Variants in RAP1GDS1 observed in about 807,000 individuals in gnomAD.
The protein encoded by RAP1GDS1 is RAP1, GTP-GDP dissociation stimulator 1.
In RAP1GDS1, 35 loss-of-function variants were observed where a neutral mutation model predicts 71.1. That is an observed-to-expected ratio of 0.49 (90% CI 0.38 to 0.65). The LOEUF (loss-of-function observed/expected upper bound fraction) is 0.65. Ranked by LOEUF, RAP1GDS1 falls within the 30% of genes least tolerant of loss-of-function variation. The probability of loss-of-function intolerance (pLI) is 0.00; values close to 1 mark genes in which losing one functional copy is unlikely to be tolerated. For synonymous variants in RAP1GDS1, 229 were observed against 243.1 expected, an observed-to-expected ratio of 0.94 and a Z score of 0.54; for missense variants, 663 against 706.1, an observed-to-expected ratio of 0.94 and a Z score of 0.69.
chr4:98,369,162 C>T (rs558799424), intron 4 of RAP1GDS1, among the ~76,000 whole-genome samples: 23 of 152,240 alleles, frequency 1.5e-4, no homozygotes, highest in Non-Finnish European at 2.4e-4. Context: ...AAAAACAATC[C>T]GCCATGATTC....
chr4:98,331,972 AC>A (rs1222213839), intron 2 of RAP1GDS1, among the ~76,000 whole-genome samples: 1 of 152,202 alleles, frequency 6.6e-6, no homozygotes, highest in Non-Finnish European at 1.5e-5. Context: ...AAAAATCTTA[AC>A]CCTTACAAAG....
chr4:98,397,556 A>AGAATATTTTGGGACCTGG (rs1253834130), intron 6 of RAP1GDS1, among the ~76,000 whole-genome samples: 1 of 152,188 alleles, frequency 6.6e-6, no homozygotes, highest in Admixed American at 6.5e-5. Context: ...GGATTGTACG[A>AGAATATTTTGGGACCTGG]GAATATTTTG....
chr4:98,356,062 C>T (rs1737925406), intron 4 of RAP1GDS1, among the ~76,000 whole-genome samples: 1 of 152,072 alleles, frequency 6.6e-6, no homozygotes, highest in African/African-American at 2.4e-5. Context: ...AATGCTTCTG[C>T]CCTTTAACTT....
At chr4:98,436,149 G>T (rs1375853373) in intron 13 of RAP1GDS1, among the ~76,000 whole-genome samples, 4 of 151,938 alleles carry the variant, frequency 2.6e-5, no homozygotes, top group Non-Finnish European at 5.9e-5. Context: ...TTGTCCCATG[G>T]ATGTCTAATT....
At chr4:98,374,290 A>C (rs764871555) in intron 4 of RAP1GDS1, among the ~76,000 whole-genome samples, 7 of 152,172 alleles carry the variant, frequency 4.6e-5, no homozygotes, top group Non-Finnish European at 1.0e-4. Flanking sequence ...TGAGTCTGCT[A>C]TTCAGCCTGT....
intron 8 of RAP1GDS1, 35 bp downstream of exon 8, chr4:98,416,923 T>C (rs369835976): frequency 3.5e-5 from 56 of 1,597,016 alleles, no homozygotes; most frequent in Non-Finnish European, 1.3e-5. Context: ...AAGAATGTGG[T>C]TGTCAGATGT....
chr4:98,264,269 G>A (rs1170668765), intron 1 of RAP1GDS1, among the ~76,000 whole-genome samples: 5 of 152,090 alleles, frequency 3.3e-5, no homozygotes, highest in South Asian at 2.1e-4. Flanking sequence ...GGTGGCGGGC[G>A]CCTGTAATCC....
chr4:98,354,845 A>G (rs1158234358), intron 4 of RAP1GDS1, among the ~76,000 whole-genome samples: 1 of 152,184 alleles, frequency 6.6e-6, no homozygotes, highest in East Asian at 1.9e-4. Context: ...GTTCAGGAAA[A>G]TGAAGTTTGA....
At position 98,305,029 on chromosome 4, in the gene RAP1GDS1, G is replaced by A. The variant is rs558367784; in HGVS notation, c.112+11514G>A. On this transcript the variant is annotated intron_variant, in intron 2 of 14. Coordinates refer to ENST00000408927, the MANE Select transcript of RAP1GDS1 (RefSeq NM_001100427.2). Reference sequence around the variant, plus strand: ...TCTGTTCTGTCTTATTGGTCTGTGTGTCTGTTTTTGTACCAGTACCATGCT... The same window carrying A: ...TCTGTTCTGTCTTATTGGTCTGTGTATCTGTTTTTGTACCAGTACCATGCT... 3.3e-5 allele frequency among the ~76,000 whole-genome samples: 5 copies of A among 152,238 alleles called. No homozygotes were observed. The South Asian group carries it at 1.0e-3, about 32-fold the overall frequency.
At position 98,329,575 on chromosome 4, in the gene RAP1GDS1, G is replaced by A. The variant is rs1197143066; in HGVS notation, c.113-13564G>A. On this transcript the variant is annotated intron_variant, in intron 2 of 14. Transcript: ENST00000408927. ...GAGGCCAAGGCAGGCAGATCACGAGGTCAGAAGTTCGAGACCAGCCTGGCC... is the reference window on the plus strand; with the variant it reads ...GAGGCCAAGGCAGGCAGATCACGAGATCAGAAGTTCGAGACCAGCCTGGCC... Among the ~76,000 whole-genome samples, 4 of 152,080 alleles carry A rather than the reference G, an allele frequency of 2.6e-5. No homozygotes were observed. The East Asian group carries it at 7.7e-4, about 29-fold the overall frequency.
chr4:98,406,891 T>C (rs1201467748), intron 7 of RAP1GDS1, among the ~76,000 whole-genome samples: 1 of 151,930 alleles, frequency 6.6e-6, no homozygotes, highest in Non-Finnish European at 1.5e-5. Flanking sequence ...ACCTCAGAGG[T>C]CAAAAAAGAA....
At chr4:98,434,880 C>A (rs1289162102) in intron 13 of RAP1GDS1, among the ~76,000 whole-genome samples, 1 of 152,114 alleles carries the variant, frequency 6.6e-6, no homozygotes, top group Non-Finnish European at 1.5e-5. Context: ...CTCAGCCCTC[C>A]CAAAGCGCTG....
chr4:98,439,203 G>A (rs568182719), intron 14 of RAP1GDS1, among the ~76,000 whole-genome samples: 1 of 152,236 alleles, frequency 6.6e-6, no homozygotes, highest in Admixed American at 6.5e-5. Flanking sequence ...ATAGGATTCT[G>A]GGTTCACAGT....
chr4:98,271,750 T>C (rs548046237), intron 1 of RAP1GDS1, among the ~76,000 whole-genome samples: 1 of 152,320 alleles, frequency 6.6e-6, no homozygotes, highest in East Asian at 1.9e-4. Context: ...TTAAGAATGA[T>C]TGATGTGAGT....
intron 1 of RAP1GDS1, among the ~76,000 whole-genome samples, chr4:98,270,770 C>T (rs908331978): frequency 1.3e-5 from 2 of 151,812 alleles, no homozygotes; most frequent in Non-Finnish European, 2.9e-5. Flanking sequence ...CCTCTCCTGC[C>T]TCCCCTTTTA....
At chr4:98,275,327 T>C (rs960297637) in intron 1 of RAP1GDS1, among the ~76,000 whole-genome samples, 1 of 152,150 alleles carries the variant, frequency 6.6e-6, no homozygotes, top group Admixed American at 6.6e-5. Context: ...TGACAAGTCA[T>C]AACTGTCACT....
At chr4:98,351,154 T>G (rs1334373069) in intron 3 of RAP1GDS1, among the ~76,000 whole-genome samples, 2 of 152,206 alleles carry the variant, frequency 1.3e-5, no homozygotes, top group African/African-American at 4.8e-5. Flanking sequence ...TTAACATGAG[T>G]AGTAGGATAC....
intron 2 of RAP1GDS1, among the ~76,000 whole-genome samples, chr4:98,337,645 A>C (rs1007458283): frequency 8.5e-5 from 13 of 152,348 alleles, no homozygotes; most frequent in Non-Finnish European, 1.8e-4. Context: ...TATGGAAGTC[A>C]GATAACATTA....
intron 2 of RAP1GDS1, among the ~76,000 whole-genome samples, chr4:98,301,177 A>C (rs1728534227): frequency 6.6e-6 from 1 of 151,792 alleles, no homozygotes; most frequent in Non-Finnish European, 1.5e-5. Flanking sequence ...AACTGAATTC[A>C]TTATTATTAT....
Sources: gnomAD v4.1 joint callset for allele counts (sites outside exome capture counted in the v4.1 genomes callset) on GRCh38, gnomAD v4.1.1 for gene constraint, MANE v1.5 for transcripts, NCBI Gene and HGNC (gene_info 2026-07-23, HGNC 2026-07-21) for gene names.